The following SPAG9 variants were observed in gnomAD, a reference collection of about 807,000 sequenced individuals.
The protein encoded by SPAG9 is C-Jun-amino-terminal kinase-interacting protein 4.
Under a neutral mutation model 166.5 loss-of-function variants are expected in SPAG9, and 35 were observed. The observed-to-expected ratio is 0.21, with a 90% CI of 0.16 to 0.28. The LOEUF is 0.28. Among genes scored for constraint, SPAG9 ranks in the 10% least tolerant of loss-of-function variants. The pLI is 1.00. For synonymous variants in SPAG9, 534 were observed against 565.5 expected (o/e 0.94, Z 0.79); for missense variants, 1,235 against 1,603.3 (o/e 0.77, Z 3.92).
chr17:50,977,170 G>GAC lies in SPAG9; in HGVS notation c.3459_3460dup (p.Ser1154CysfsTer20). The GAC allele has an allele frequency of 6.2e-7, 1 of 1,613,742 alleles. No homozygotes were observed. The highest frequency in any genetic ancestry group is 8.5e-7 in the Non-Finnish European group (1 of 1,179,796). On this transcript the variant is annotated frameshift_variant, in exon 27 of 30. Transcript: ENST00000262013. LOFTEE classifies it high-confidence loss of function. ...TGTCCCCACCCACAAACGATTACAA[G>GAC]ACACCATAAGAGCTGTAATTCTCAC...
intron 21 of SPAG9, among the ~76,000 whole-genome samples, chr17:50,988,767 T>A (rs952258900): frequency 6.6e-6 from 1 of 152,152 alleles, no homozygotes; most frequent in Non-Finnish European, 1.5e-5. Flanking sequence ...GTTGCTCAGG[T>A]TGGTCTTGAA....
intron 24 of SPAG9, among the ~76,000 whole-genome samples, 158 bp from the exon 25 acceptor site, chr17:50,982,830 T>C (rs188121637): frequency 6.6e-6 from 1 of 152,338 alleles, no homozygotes; most frequent in Admixed American, 6.5e-5. Flanking sequence ...GGTTCTTTTA[T>C]TCCATAAGCT....
intron 28 of SPAG9, among the ~76,000 whole-genome samples, chr17:50,971,386 C>CA (rs1973790977): frequency 6.6e-6 from 1 of 150,656 alleles, no homozygotes; most frequent in South Asian, 2.1e-4. Flanking sequence ...TGTAACAAAG[C>CA]AGGAATAGGC....
chr17:51,050,061 C>A (rs900122168), intron 3 of SPAG9, among the ~76,000 whole-genome samples: 29 of 152,246 alleles, frequency 1.9e-4, no homozygotes, highest in African/African-American at 7.0e-4. Context: ...GAATGACAAG[C>A]AAAATGCAAA....
At chr17:51,041,350 A>C in intron 5 of SPAG9, 151 bp downstream of exon 5, 2 of 580,776 alleles carry the variant, frequency 3.4e-6, no homozygotes, top group South Asian at 2.9e-5. Context: ...CTCTTTGGTA[A>C]GAGCTCATTT....
chr17:51,024,524 G>A (rs754996157), intron 6 of SPAG9, among the ~76,000 whole-genome samples: 13 of 151,754 alleles, frequency 8.6e-5, no homozygotes, highest in Non-Finnish European at 1.3e-4. Flanking sequence ...TCAAGAGTTC[G>A]AGACAAGCCT....
At chr17:51,094,986 A>G (rs913009087) in intron 1 of SPAG9, among the ~76,000 whole-genome samples, 1 of 152,198 alleles carries the variant, frequency 6.6e-6, no homozygotes, top group African/African-American at 2.4e-5. Flanking sequence ...ATCTGACAAA[A>G]GCAAATTAAA....
At chr17:51,099,099 C>CAAA (rs35291018) in intron 1 of SPAG9, among the ~76,000 whole-genome samples, 9 of 45,934 alleles carry the variant, frequency 2.0e-4, no homozygotes, top group East Asian at 6.6e-4. Flanking sequence ...GACTCCGTCT[C>CAAA]AAAAAAAAAA....
intron 4 of SPAG9, among the ~76,000 whole-genome samples, chr17:51,042,114 A>G (rs1210851500): frequency 6.6e-6 from 1 of 152,180 alleles, no homozygotes; most frequent in Non-Finnish European, 1.5e-5. Flanking sequence ...GCCTAGAGGA[A>G]AATCAATATA....
intron 14 of SPAG9, 92 bp from the exon 15 acceptor site, chr17:50,998,709 G>A (rs2044790220): frequency 7.9e-7 from 1 of 1,273,538 alleles, no homozygotes; most frequent in Non-Finnish European, 1.1e-6. Flanking sequence ...AAATTTCAGA[G>A]TACTTTTACA....
At chr17:51,053,177 C>T (rs1329075789) in intron 3 of SPAG9, among the ~76,000 whole-genome samples, 3 of 150,428 alleles carry the variant, frequency 2.0e-5, no homozygotes, top group Non-Finnish European at 4.4e-5. Flanking sequence ...TTATCACTAT[C>T]AATTACTTCC....
At chr17:51,089,992 T>A (rs2048421773) in intron 1 of SPAG9, among the ~76,000 whole-genome samples, 1 of 151,664 alleles carries the variant, frequency 6.6e-6, no homozygotes, top group African/African-American at 2.4e-5. Context: ...TACTATTTTT[T>A]TAAAAAAGAG....
At chr17:51,090,558 T>C (rs1598162352) in intron 1 of SPAG9, among the ~76,000 whole-genome samples, 1 of 152,166 alleles carries the variant, frequency 6.6e-6, no homozygotes, top group African/African-American at 2.4e-5. Flanking sequence ...TGAGCCCCTA[T>C]TGTTTTAAAT....
At chr17:51,080,313 A>G (rs201394942) in intron 1 of SPAG9, among the ~76,000 whole-genome samples, 1 of 146,466 alleles carries the variant, frequency 6.8e-6, no homozygotes, top group African/African-American at 2.5e-5. Flanking sequence ...TTTTTTTTTA[A>G]TTTGGCTACC....
Position 50,994,913 on chromosome 17 carries a change from A to C in SPAG9, c.2226+144T>G. On this transcript the variant is annotated intron_variant, in intron 18 of 29. Transcript: ENST00000262013. ...ATGTAAATTATACCTCAATATTTTAAAATTGATTTTAAAAGGGTGCTGAGG... is the reference window on the plus strand; with the variant it reads ...ATGTAAATTATACCTCAATATTTTACAATTGATTTTAAAAGGGTGCTGAGG... 8.4e-6 allele frequency: 5 copies of C among 593,626 alleles called. No individual in the cohort carries two copies. The South Asian group carries it at 1.3e-4, about 15-fold the overall frequency. The allele number at this position is 593,626 out of a possible 1,614,324, so 36.8% of individuals were successfully genotyped here.
rs1377049882 is a variant in SPAG9 at position 50,974,624 on chromosome 17, T to G, written c.3700+147A>C. 5.1e-6 allele frequency: 3 copies of G among 588,624 alleles called. No individual in the cohort carries two copies. In the African/African-American group the frequency reaches 5.8e-5, roughly 11 times the overall value. The allele number at this position is 588,624 out of a possible 1,614,324, so 36.5% of individuals were successfully genotyped here. A position where few individuals can be genotyped will look rare whatever the true frequency, so the allele number is the denominator to read the frequency against. On this transcript the variant is annotated intron_variant, in intron 28 of 29. Transcript: ENST00000262013. ...TTCAAGTATCCCTATAGCACCTTAG[T>G]CACACCTCCATTACAGAACTTCCTT...
chr17:51,021,376 A>G lies in SPAG9; in HGVS notation c.784-11T>C. The G allele has an allele frequency of 6.4e-7, 1 of 1,569,394 alleles. No individual in the cohort carries two copies. Among genetic ancestry groups the G allele is most frequent in the Non-Finnish European group, 8.6e-7 (1 of 1,157,338 alleles). The stretch of plus-strand genomic sequence containing the variant: ...ATCAGAAAGCTCATCCTACAAATAA[A>G]AATAATTTAAAATAAAATTTTAAAT... On this transcript the variant is annotated splice_polypyrimidine_tract_variant and intron_variant, in intron 6 of 29. Coordinates refer to ENST00000262013, the MANE Select transcript of SPAG9 (RefSeq NM_001130528.3).
At chr17:51,072,172 A>C (rs936546298) in intron 2 of SPAG9, among the ~76,000 whole-genome samples, 2 of 151,930 alleles carry the variant, frequency 1.3e-5, no homozygotes, top group Non-Finnish European at 2.9e-5. Context: ...CCCAGGTTAA[A>C]GCAATTCTCC....
intron 16 of SPAG9, 91 bp from the exon 17 acceptor site, chr17:50,995,624 C>A: frequency 1.3e-6 from 1 of 795,530 alleles, no homozygotes; most frequent in Non-Finnish European, 2.1e-6. Flanking sequence ...CATGAGCAAG[C>A]ACTGCTGTTA....
Sources: gnomAD v4.1 joint callset for allele counts (sites outside exome capture counted in the v4.1 genomes callset) on GRCh38, gnomAD v4.1.1 for gene constraint, MANE v1.5 for transcripts, NCBI Gene and HGNC (gene_info 2026-07-23, HGNC 2026-07-21) for gene names.